The following TCF12 variants were observed in gnomAD, a reference collection of about 807,000 sequenced individuals.
TCF12 encodes the protein transcription factor 12, also known as DNA-binding protein HTF4.
In TCF12, 45 loss-of-function variants were observed where a neutral mutation model predicts 86.0. That is an observed-to-expected ratio of 0.52 (90% CI 0.41 to 0.67). The LOEUF is 0.67. TCF12 is among the 30% of genes least tolerant of loss of function. The pLI, the probability that TCF12 is intolerant of heterozygous loss-of-function variation, is 0.00. For missense variants in TCF12, 881 were observed against 859.9 expected (o/e 1.02, Z -0.31); for synonymous variants, 330 against 299.6 (o/e 1.10, Z -1.05).
At chr15:57,024,159 T>G (rs1477777982) in intron 3 of TCF12, among the ~76,000 whole-genome samples, 9 of 150,796 alleles carry the variant, frequency 6.0e-5, no homozygotes. Context: ...GGAGTATGGC[T>G]CAGGCAAGAA....
intron 13 of TCF12, 118 bp downstream of exon 13, chr15:57,243,668 T>A: frequency 1.2e-6 from 1 of 837,416 alleles, no homozygotes; most frequent in South Asian, 1.8e-5. Context: ...ATTTTGACTA[T>A]AAGAAAGTGT....
intron 3 of TCF12, among the ~76,000 whole-genome samples, chr15:56,934,365 CT>C (rs1201922470): frequency 1.3e-5 from 2 of 152,160 alleles, no homozygotes; most frequent in African/African-American, 4.8e-5. Context: ...TTCAGATACA[CT>C]TTTATACTCC....
At chr15:57,225,795 A>G (rs1440955071) in intron 8 of TCF12, among the ~76,000 whole-genome samples, 1 of 152,096 alleles carries the variant, frequency 6.6e-6, no homozygotes, top group Non-Finnish European at 1.5e-5. Context: ...AGAAAGAGAC[A>G]TGGGTTGTAT....
intron 6 of TCF12, among the ~76,000 whole-genome samples, chr15:57,171,625 C>T (rs544564629): frequency 2.6e-5 from 4 of 152,166 alleles, no homozygotes; most frequent in Non-Finnish European, 5.9e-5. Context: ...GGCCTTACTT[C>T]ATGTTAAGAT....
At chr15:57,282,947 C>T (rs2152137749) in intron 20 of TCF12, among the ~76,000 whole-genome samples, 1 of 152,342 alleles carries the variant, frequency 6.6e-6, no homozygotes, top group African/African-American at 2.4e-5. Flanking sequence ...TCATGTTCTT[C>T]ATTTCTTTAT....
intron 3 of TCF12, among the ~76,000 whole-genome samples, chr15:56,989,304 G>T (rs1269716464): frequency 6.6e-6 from 1 of 151,996 alleles, no homozygotes; most frequent in East Asian, 1.9e-4. Context: ...TTTTCCTCTT[G>T]ACCTGCAAAG....
intron 3 of TCF12, among the ~76,000 whole-genome samples, chr15:56,999,153 G>A (rs146486462): frequency 0.041 from 6,126 of 151,158 alleles, 372 homozygotes; most frequent in Admixed American, 0.17. Context: ...AGCTGAGATC[G>A]CGCCACTGCA....
At chr15:57,126,157 G>T (rs900577369) in intron 5 of TCF12, among the ~76,000 whole-genome samples, 5 of 152,140 alleles carry the variant, frequency 3.3e-5, no homozygotes, top group African/African-American at 1.2e-4. Flanking sequence ...GAGAGGATCA[G>T]TTGAGCTCAG....
intron 12 of TCF12, among the ~76,000 whole-genome samples, chr15:57,239,515 C>CAAAAAAAAAAAAA (rs67591734): frequency 2.8e-5 from 3 of 107,158 alleles, no homozygotes; most frequent in Admixed American, 2.1e-4. Flanking sequence ...GACTCCATCT[C>CAAAAAAAAAAAAA]AAAAAAAAAA....
At chr15:56,973,828 A>T (rs2062461351) in intron 3 of TCF12, among the ~76,000 whole-genome samples, 1 of 152,152 alleles carries the variant, frequency 6.6e-6, no homozygotes, top group South Asian at 2.1e-4. Context: ...GGACAAGTTG[A>T]CAAGTGTCTC....
chr15:57,036,743 C>T (rs142252144), intron 3 of TCF12, among the ~76,000 whole-genome samples: 2 of 152,074 alleles, frequency 1.3e-5, no homozygotes, highest in Admixed American at 1.3e-4. Flanking sequence ...ATTCTAAATA[C>T]AAATTCCTTA....
At chr15:57,060,965 T>G (rs1053433234) in intron 3 of TCF12, among the ~76,000 whole-genome samples, 1 of 152,226 alleles carries the variant, frequency 6.6e-6, no homozygotes, top group African/African-American at 2.4e-5. Flanking sequence ...CCACGACCTT[T>G]TACTCAGAGT....
At chr15:57,135,001 T>G (rs1459525968) in intron 5 of TCF12, among the ~76,000 whole-genome samples, 1 of 152,178 alleles carries the variant, frequency 6.6e-6, no homozygotes, top group Non-Finnish European at 1.5e-5. Flanking sequence ...TAAAGCTGTT[T>G]ATGTCAGTTT....
At chr15:56,918,493 G>A (rs1484187231), upstream of TCF12, 1 of 318,546 alleles carries the variant, frequency 3.1e-6, no homozygotes, top group African/African-American at 2.3e-5. Context: ...ACCCGACCGC[G>A]GGCTTTGTCC....
chr15:57,033,109 A>G (rs2066303011), intron 3 of TCF12, among the ~76,000 whole-genome samples: 1 of 152,176 alleles, frequency 6.6e-6, no homozygotes, highest in African/African-American at 2.4e-5. Context: ...ATAGGTCAAT[A>G]GAAATTTTTC....
rs2059727008 is a variant in TCF12 at position 57,243,592 on chromosome 15, T to G, written c.1114+42T>G. Reference sequence around the variant, plus strand: ...TCTACTTCTAACTGGTGGGACTACTTGGAAATATTTCTAGTTCATTTATTT... The same window carrying G: ...TCTACTTCTAACTGGTGGGACTACTGGGAAATATTTCTAGTTCATTTATTT... On this transcript the variant is annotated intron_variant, in intron 13 of 20. Coordinates refer to ENST00000333725, the MANE Select transcript of TCF12 (RefSeq NM_207037.2). 2.1e-6 allele frequency: 3 copies of G among 1,460,048 alleles called. No homozygotes were observed. In the African/African-American group the frequency reaches 4.2e-5, roughly 21 times the overall value. The allele number at this position is 1,460,048 out of a possible 1,614,324, so 90.4% of individuals were successfully genotyped here.
intron 4 of TCF12, among the ~76,000 whole-genome samples, chr15:57,073,474 A>G (rs2069595515): frequency 6.6e-6 from 1 of 152,028 alleles, no homozygotes; most frequent in South Asian, 2.1e-4. Flanking sequence ...GTCACAATTT[A>G]GTTTACACAC....
At chr15:56,940,738 C>T (rs79838790) in intron 3 of TCF12, among the ~76,000 whole-genome samples, 7 of 111,342 alleles carry the variant, frequency 6.3e-5, no homozygotes, top group East Asian at 2.7e-4. Context: ...CTCTCCCCCC[C>T]CTTCTCCTCC....
At chr15:56,994,007 ACT>A (rs749248103) in intron 3 of TCF12, among the ~76,000 whole-genome samples, 31 of 152,302 alleles carry the variant, frequency 2.0e-4, no homozygotes, top group Non-Finnish European at 4.3e-4. Context: ...AATTGTGAAC[ACT>A]CTTGAAATGT....
Sources: gnomAD v4.1 joint callset for allele counts (sites outside exome capture counted in the v4.1 genomes callset) on GRCh38, gnomAD v4.1.1 for gene constraint, MANE v1.5 for transcripts, NCBI Gene and HGNC (gene_info 2026-07-23, HGNC 2026-07-21) for gene names.